The following RB1 variants were observed in gnomAD, a reference collection of about 807,000 sequenced individuals.
RB1 encodes RB transcriptional corepressor 1, also known as retinoblastoma-associated protein.
In RB1, 18 loss-of-function variants were observed where a neutral mutation model predicts 135.4. The ratio of observed to expected loss-of-function variants is 0.13; its 90% CI spans 0.09 to 0.20. RB1 has a LOEUF of 0.20. RB1 is among the 10% of genes least tolerant of loss of function. The pLI is 1.00. For synonymous variants in RB1, 365 were observed against 373.2 expected (o/e 0.98, Z 0.25); for missense variants, 868 against 1,110.0 (o/e 0.78, Z 3.10).
chr13:48,420,412 A>G (rs1212888728), intron 17 of RB1, among the ~76,000 whole-genome samples: 2 of 152,238 alleles, frequency 1.3e-5, no homozygotes, highest in Non-Finnish European at 2.9e-5. Flanking sequence ...TATTTATGGC[A>G]GACCCACAGC....
chr13:48,396,210 C>T (rs1948646911), intron 17 of RB1, among the ~76,000 whole-genome samples: 1 of 152,068 alleles, frequency 6.6e-6, no homozygotes. Flanking sequence ...GCAAAAAGAA[C>T]AAAGCTGGAG....
chr13:48,320,574 C>A (rs370458887), intron 2 of RB1: 68 of 428,118 alleles, frequency 1.6e-4, no homozygotes, highest in African/African-American at 1.2e-3. Flanking sequence ...GGCTCAAGCC[C>A]GTAATCACAG....
chr13:48,438,206 C>T (rs1949202945), intron 17 of RB1, among the ~76,000 whole-genome samples: 1 of 152,162 alleles, frequency 6.6e-6, no homozygotes, highest in African/African-American at 2.4e-5. Context: ...GTCTCAAAGG[C>T]TTGTGTGCCA....
At chr13:48,315,473 A>G (rs922265614) in intron 2 of RB1, among the ~76,000 whole-genome samples, 1 of 152,208 alleles carries the variant, frequency 6.6e-6, no homozygotes, top group Non-Finnish European at 1.5e-5. Flanking sequence ...GCAAACAGGA[A>G]TAGTTTGACT....
chr13:48,430,769 A>C (rs57586909), intron 17 of RB1, among the ~76,000 whole-genome samples: 6,453 of 41,764 alleles, frequency 0.15, 368 homozygotes, highest in East Asian at 0.43. Flanking sequence ...AACAAACAAA[A>C]AAAAAAAACA....
chr13:48,321,240 T>C (rs552334036), intron 2 of RB1, among the ~76,000 whole-genome samples: 1 of 152,164 alleles, frequency 6.6e-6, no homozygotes, highest in African/African-American at 2.4e-5. Flanking sequence ...TGCATTTGCT[T>C]TTGGTGACAC....
At chr13:48,394,998 T>C (rs182164085) in intron 17 of RB1, among the ~76,000 whole-genome samples, 1 of 152,258 alleles carries the variant, frequency 6.6e-6, no homozygotes, top group African/African-American at 2.4e-5. Flanking sequence ...ACAGGAGAGT[T>C]CCAGCTGCCA....
chr13:48,373,659 G>C (rs1168212378), intron 12 of RB1, among the ~76,000 whole-genome samples, 167 bp downstream of exon 12: 1 of 151,902 alleles, frequency 6.6e-6, no homozygotes, highest in African/African-American at 2.4e-5. Context: ...ATTATTAGTA[G>C]TATTGTTTTA....
intron 2 of RB1, among the ~76,000 whole-genome samples, chr13:48,323,175 A>C (rs577776615): frequency 8.4e-4 from 127 of 152,074 alleles, no homozygotes; most frequent in Non-Finnish European, 1.6e-3. Flanking sequence ...GAAAGTTTCA[A>C]AATTACTAAT....
intron 15 of RB1, 40 bp downstream of exon 15, chr13:48,380,124 A>G (rs1386015642): frequency 2.0e-6 from 3 of 1,465,602 alleles, no homozygotes; most frequent in African/African-American, 1.5e-5. Context: ...TTTTCTTTTT[A>G]TAGAAGTAAG....
At chr13:48,445,466 C>T (rs549724487) in intron 17 of RB1, among the ~76,000 whole-genome samples, 1 of 152,276 alleles carries the variant, frequency 6.6e-6, no homozygotes, top group East Asian at 1.9e-4. Flanking sequence ...CACCCGGGTA[C>T]TTTAGTTCTG....
chr13:48,394,825 C>T (rs1337362401), intron 17 of RB1, among the ~76,000 whole-genome samples: 2 of 152,242 alleles, frequency 1.3e-5, no homozygotes, highest in Non-Finnish European at 2.9e-5. Context: ...ACATCTTCAG[C>T]AGACTTAAAC....
At chr13:48,316,129 G>C (rs565573835) in intron 2 of RB1, among the ~76,000 whole-genome samples, 1 of 152,292 alleles carries the variant, frequency 6.6e-6, no homozygotes, top group African/African-American at 2.4e-5. Context: ...CAGAGCAGCC[G>C]CTGACATCCG....
At chr13:48,321,913 ATTTGTTTTCTTCT>A (rs1952245913) in intron 2 of RB1, among the ~76,000 whole-genome samples, 1 of 151,988 alleles carries the variant, frequency 6.6e-6, no homozygotes, top group Admixed American at 6.6e-5. Flanking sequence ...TAACAGGATT[ATTTGTTTTCTTCT>A]TGCTGATTTT....
chr13:48,476,737 T>C lies in RB1; in HGVS notation c.2557T>C (p.Cys853Arg), dbSNP rs1295589257. ...GTTCCAGAAAATAAATCAGATGGTATGTAACAGCGACCGTGTGCTCAAAAG... is the reference window on the plus strand; with the variant it reads ...GTTCCAGAAAATAAATCAGATGGTACGTAACAGCGACCGTGTGCTCAAAAG... ...EKFQKINQMV[C>R]NSDRVLKRSA... The change falls in exon 25 of 27, where the codon TGT becomes CGT. Residue 853 changes from cysteine (C) to arginine (R), a missense_variant. This residue lies in a region of RB1 where 196 missense variants were observed against 239.8 expected (regional missense o/e 0.82). Transcript: ENST00000267163. The C allele has an allele frequency of 3.1e-6, 5 of 1,613,346 alleles. No individual in the cohort carries two copies. The African/African-American group carries it at 4.0e-5, about 13-fold the overall frequency.
intron 12 of RB1, among the ~76,000 whole-genome samples, chr13:48,375,783 T>C: frequency 6.6e-6 from 1 of 151,882 alleles, no homozygotes; most frequent in Non-Finnish European, 1.5e-5. Flanking sequence ...TTCACAATGT[T>C]TCCCAGGCTG....
chr13:48,411,239 A>G, intron 17 of RB1: 1 of 678,266 alleles, frequency 1.5e-6, no homozygotes, highest in Non-Finnish European at 2.6e-6. Context: ...TGCTTAACAC[A>G]TTGAATACAA....
intron 6 of RB1, among the ~76,000 whole-genome samples, chr13:48,349,471 G>T (rs1380209877): frequency 6.6e-6 from 1 of 151,698 alleles, no homozygotes; most frequent in East Asian, 1.9e-4. Flanking sequence ...GTTATCAGTT[G>T]AAATAATGGG....
chr13:48,362,087 A>G (rs931804832), intron 7 of RB1, among the ~76,000 whole-genome samples: 5 of 151,780 alleles, frequency 3.3e-5, no homozygotes, highest in Admixed American at 6.6e-5. Flanking sequence ...AGCTGGGACT[A>G]TGGGCATGCA....
Sources: gnomAD v4.1 joint callset for allele counts (sites outside exome capture counted in the v4.1 genomes callset) on GRCh38, gnomAD v4.1.1 for gene constraint, gnomAD v4.1.1 regional missense constraint, MANE v1.5 for transcripts, NCBI Gene and HGNC (gene_info 2026-07-23, HGNC 2026-07-21) for gene names.